Variants in SGCZ observed in about 807,000 individuals in gnomAD.
SGCZ encodes sarcoglycan zeta.
SGCZ carries 40 observed loss-of-function variants against 41.3 expected under a neutral mutation model. The observed-to-expected ratio is 0.97, with a 90% CI of 0.75 to 1.26. The LOEUF (loss-of-function observed/expected upper bound fraction) is 1.26, where lower values mean the gene tolerates loss of function less well. SGCZ is among the 50% of genes most tolerant of loss of function. The pLI, the probability that SGCZ is intolerant of heterozygous loss-of-function variation, is 0.00. For synonymous variants in SGCZ, 206 were observed against 137.5 expected, an observed-to-expected ratio of 1.50 and a Z score of -3.49; for missense variants, 552 against 369.8, an observed-to-expected ratio of 1.49 and a Z score of -4.04.
At chr8:15,154,608 T>C (rs1799275556) in intron 1 of SGCZ, among the ~76,000 whole-genome samples, 1 of 152,232 alleles carries the variant, frequency 6.6e-6, no homozygotes, top group South Asian at 2.1e-4. Flanking sequence ...TGCCACCATA[T>C]GCTCTGAGTT....
intron 2 of SGCZ, among the ~76,000 whole-genome samples, chr8:14,416,483 C>T (rs1349019755): frequency 6.6e-6 from 1 of 151,846 alleles, no homozygotes; most frequent in African/African-American, 2.4e-5. Flanking sequence ...AAGCTGCCTT[C>T]ATAGAGAATC....
intron 2 of SGCZ, among the ~76,000 whole-genome samples, chr8:14,466,350 G>C (rs141263849): frequency 6.6e-6 from 1 of 151,940 alleles, no homozygotes; most frequent in Non-Finnish European, 1.5e-5. Context: ...ATGTTATTGA[G>C]CATCCTTTGC....
chr8:14,944,714 C>T (rs967172928), intron 1 of SGCZ, among the ~76,000 whole-genome samples: 5 of 152,060 alleles, frequency 3.3e-5, no homozygotes, highest in Non-Finnish European at 7.4e-5. Flanking sequence ...CTGATAAACC[C>T]ATTGTAGGCT....
chr8:14,673,453 T>TCTCTCTCTCTCA (rs1194031953), intron 1 of SGCZ, among the ~76,000 whole-genome samples: 3 of 152,058 alleles, frequency 2.0e-5, no homozygotes, highest in Non-Finnish European at 2.9e-5. Flanking sequence ...GCTGTCTCTC[T>TCTCTCTCTCTCA]CTCTCTCTCT....
At chr8:14,488,675 T>G (rs1254308015) in intron 2 of SGCZ, among the ~76,000 whole-genome samples, 1 of 152,120 alleles carries the variant, frequency 6.6e-6, no homozygotes, top group Non-Finnish European at 1.5e-5. Context: ...AGAAAACACA[T>G]GTGGCCTAAT....
In SGCZ at chr8:14,309,479, G is replaced by T. The variant is rs145343054; in HGVS notation, c.336+14624C>A. 3 of 1,607,390 alleles carry T rather than the reference G, an allele frequency of 1.9e-6. No individual in the cohort carries two copies. The African/African-American group carries it at 4.0e-5, about 22-fold the overall frequency. On this transcript the variant is annotated intron_variant, in intron 3 of 7. Transcript: ENST00000382080. ...CAGTGATGATGTATGTGGCGCTGTT[G>T]TTAATGTTAGAGCTAATTGTGATAA...
chr8:14,590,783 C>A (rs1000100748), intron 1 of SGCZ, among the ~76,000 whole-genome samples: 1 of 147,482 alleles, frequency 6.8e-6, no homozygotes. Context: ...AATATAGTAT[C>A]TGTACTTTAT....
chr8:14,960,545 A>G (rs1800931071), intron 1 of SGCZ, among the ~76,000 whole-genome samples: 1 of 152,106 alleles, frequency 6.6e-6, no homozygotes, highest in Non-Finnish European at 1.5e-5. Context: ...CATTTTCTTA[A>G]TCTTGATCAG....
At position 14,500,469 on chromosome 8, in the gene SGCZ, A is replaced by T. The variant is rs577413341; in HGVS notation, c.234+54263T>A. On this transcript the variant is annotated intron_variant, in intron 2 of 7. Coordinates refer to ENST00000382080, the MANE Select transcript of SGCZ (RefSeq NM_139167.4). ...TTTTTTTTTTACTATTCATTAGAGA[A>T]TGCCTAATTAGCTAGGAAGAAAAAC... Among the ~76,000 whole-genome samples the T allele has an allele frequency of 2.6e-5, 4 of 151,930 alleles. 1 individual carries two copies. The South Asian group carries it at 8.3e-4, about 31-fold the overall frequency.
At chr8:14,260,098 G>A (rs1049966865) in intron 3 of SGCZ, among the ~76,000 whole-genome samples, 3 of 152,126 alleles carry the variant, frequency 2.0e-5, no homozygotes, top group African/African-American at 7.2e-5. Flanking sequence ...GTTCACTCAT[G>A]ATTTGGCTCT....
At chr8:14,144,617 C>A (rs534193661) in intron 5 of SGCZ, among the ~76,000 whole-genome samples, 3 of 152,266 alleles carry the variant, frequency 2.0e-5, no homozygotes, top group Non-Finnish European at 4.4e-5. Flanking sequence ...AAAAGGAAGA[C>A]CAAGTCTTGT....
intron 4 of SGCZ, among the ~76,000 whole-genome samples, chr8:14,223,498 C>A (rs929711842): frequency 6.6e-6 from 1 of 152,060 alleles, no homozygotes; most frequent in Admixed American, 6.6e-5. Context: ...ATTTACTACT[C>A]ATTTTTATAT....
intron 1 of SGCZ, among the ~76,000 whole-genome samples, chr8:14,920,802 G>T (rs985055385): frequency 6.6e-6 from 1 of 152,160 alleles, no homozygotes; most frequent in Admixed American, 6.6e-5. Context: ...TTCTAAAATA[G>T]ATAGTTGAGA....
chr8:14,129,667 C>T (rs1396077247), intron 5 of SGCZ, among the ~76,000 whole-genome samples: 1 of 151,606 alleles, frequency 6.6e-6, no homozygotes, highest in South Asian at 2.1e-4. Flanking sequence ...AAACTAAACA[C>T]AAATCAGTGT....
chr8:14,669,173 AAC>A (rs1001554139), intron 1 of SGCZ, among the ~76,000 whole-genome samples: 4 of 134,368 alleles, frequency 3.0e-5, no homozygotes, highest in Non-Finnish European at 4.6e-5. Flanking sequence ...CGTCTCTACA[AAC>A]ACACACACAC....
chr8:14,790,730 G>A (rs189431266), intron 1 of SGCZ, among the ~76,000 whole-genome samples: 49 of 152,126 alleles, frequency 3.2e-4, no homozygotes, highest in Admixed American at 7.2e-4. Context: ...TGATTATGCC[G>A]CAGCAGAAAA....
chr8:14,090,466 T>C lies in SGCZ; in HGVS notation c.916A>G (p.Ser306Gly). The C allele has an allele frequency of 6.2e-7, 1 of 1,612,762 alleles. No homozygotes were observed. Among genetic ancestry groups the C allele is most frequent in the Non-Finnish European group, 8.5e-7 (1 of 1,179,234 alleles). ...CTTCAGCTCCACAGGCAGATGTTGC[T>C]ACTGGACTGACAAGTGGAACCTACT... ...AGVGSTCQSS[S>G]NICLWS is the part of the protein sequence containing the mutation. The change falls in exon 8 of 8, where the codon AGC (serine) becomes GGC (glycine). Residue 306 changes from serine (S) to glycine (G), a missense_variant. By Grantham distance (56) the Ser-to-Gly change is moderately conservative. Transcript: ENST00000382080.
chr8:14,384,758 C>A (rs1585434458), intron 2 of SGCZ, among the ~76,000 whole-genome samples: 1 of 152,122 alleles, frequency 6.6e-6, no homozygotes, highest in African/African-American at 2.4e-5. Context: ...GCCATGTTGG[C>A]CGGGCTGGTC....
chr8:15,091,601 A>T (rs1806155186), intron 1 of SGCZ, among the ~76,000 whole-genome samples: 1 of 152,184 alleles, frequency 6.6e-6, no homozygotes, highest in Non-Finnish European at 1.5e-5. Flanking sequence ...ATTCTATCAC[A>T]CATCCTTCCA....
Sources: gnomAD v4.1 joint callset for allele counts (sites outside exome capture counted in the v4.1 genomes callset) on GRCh38, gnomAD v4.1.1 for gene constraint, MANE v1.5 for transcripts, NCBI Gene and HGNC (gene_info 2026-07-23, HGNC 2026-07-21) for gene names.